Variants in JAZF1 observed in about 807,000 individuals in gnomAD.
JAZF1 encodes JAZF zinc finger 1, also known as juxtaposed with another zinc finger protein 1.
In JAZF1, 8 loss-of-function variants were observed where a neutral mutation model predicts 26.4. The ratio of observed to expected loss-of-function variants is 0.30; its 90% CI spans 0.18 to 0.55. The LOEUF (loss-of-function observed/expected upper bound fraction) is 0.55. JAZF1 is among the 20% of genes least tolerant of loss of function. JAZF1 has a pLI of 0.94. For missense variants in JAZF1, 199 were observed against 322.0 expected (o/e 0.62, Z 2.92); for synonymous variants, 126 against 122.3 (o/e 1.03, Z -0.20).
At chr7:28,059,752 C>T (rs1352351321) in intron 1 of JAZF1, among the ~76,000 whole-genome samples, 2 of 152,158 alleles carry the variant, frequency 1.3e-5, no homozygotes, top group Admixed American at 6.5e-5. Context: ...CAAACAATTA[C>T]AGGCTAATTT....
intron 1 of JAZF1, among the ~76,000 whole-genome samples, chr7:28,156,449 G>C (rs1783187217): frequency 6.6e-6 from 1 of 152,252 alleles, no homozygotes; most frequent in South Asian, 2.1e-4. Flanking sequence ...CTGAGTACAA[G>C]AGACTATTGA....
chr7:28,058,933 C>CT (rs2128382057), intron 1 of JAZF1, among the ~76,000 whole-genome samples: 1 of 152,220 alleles, frequency 6.6e-6, no homozygotes, highest in African/African-American at 2.4e-5. Flanking sequence ...AAGCGTAACA[C>CT]TAACTGTGTT....
intron 1 of JAZF1, among the ~76,000 whole-genome samples, chr7:28,002,029 G>A (rs948300558): frequency 2.6e-5 from 4 of 152,142 alleles, no homozygotes; most frequent in African/African-American, 9.7e-5. Context: ...ACTCAAAGGG[G>A]AGATAAAAGA....
chr7:28,001,822 C>T lies in JAZF1; in HGVS notation c.116-9841G>A, dbSNP rs1014629958. ...GGTGGCAGGGAGGACTGGGCGGGGGCGGGAAACTGGGATGTAGAAATATAA... is the reference window on the plus strand; with the variant it reads ...GGTGGCAGGGAGGACTGGGCGGGGGTGGGAAACTGGGATGTAGAAATATAA... On this transcript the variant is annotated intron_variant, in intron 1 of 4. Coordinates refer to ENST00000283928, the MANE Select transcript of JAZF1 (RefSeq NM_175061.4). Among the ~76,000 whole-genome samples, 7 of 145,670 alleles carry T rather than the reference C, an allele frequency of 4.8e-5. No homozygotes were observed. In the South Asian group the frequency reaches 6.5e-4, roughly 14 times the overall value.
chr7:28,049,577 CA>C, intron 1 of JAZF1, among the ~76,000 whole-genome samples: 2 of 152,132 alleles, frequency 1.3e-5, no homozygotes, highest in East Asian at 3.9e-4. Flanking sequence ...CTCAGTCCTG[CA>C]AGAATGTCCC....
intron 1 of JAZF1, among the ~76,000 whole-genome samples, chr7:28,033,722 A>C (rs1346357436): frequency 6.6e-6 from 1 of 152,076 alleles, no homozygotes; most frequent in African/African-American, 2.4e-5. Context: ...TAAACTTGTA[A>C]TTGTGGTACT....
intron 1 of JAZF1, among the ~76,000 whole-genome samples, chr7:28,062,223 T>C (rs2128382879): frequency 6.6e-6 from 1 of 152,314 alleles, no homozygotes; most frequent in Non-Finnish European, 1.5e-5. Context: ...GATAATGGAC[T>C]GGACTCGAAG....
chr7:28,180,429 G>A (rs758974506), intron 1 of JAZF1, 34 bp downstream of exon 1: 16 of 1,546,234 alleles, frequency 1.0e-5, no homozygotes, highest in Admixed American at 1.7e-5. Flanking sequence ...GTTTCCGCGC[G>A]CCTGGCACCC....
intron 1 of JAZF1, among the ~76,000 whole-genome samples, chr7:28,016,123 G>T (rs973679216): frequency 5.9e-5 from 9 of 152,182 alleles, no homozygotes; most frequent in African/African-American, 2.2e-4. Flanking sequence ...GACCAAGCCA[G>T]TTGGCCATTT....
At chr7:28,145,067 C>T (rs567557212) in intron 1 of JAZF1, among the ~76,000 whole-genome samples, 1 of 152,282 alleles carries the variant, frequency 6.6e-6, no homozygotes, top group South Asian at 2.1e-4. Flanking sequence ...TGACAGAGGT[C>T]ATAGTGAGTT....
chr7:28,013,082 G>A lies in JAZF1; in HGVS notation c.116-21101C>T, dbSNP rs958764316. On this transcript the variant is annotated intron_variant, in intron 1 of 4. Coordinates refer to ENST00000283928, the MANE Select transcript of JAZF1 (RefSeq NM_175061.4). Reference sequence around the variant, plus strand: ...TTCTCAGCCTGGGTAGGTTTATCAAGTAGCGGCTCCTTGCTATAGCCCCAG... The same window carrying A: ...TTCTCAGCCTGGGTAGGTTTATCAAATAGCGGCTCCTTGCTATAGCCCCAG... Among the ~76,000 whole-genome samples, 7 of 152,230 alleles carry A rather than the reference G, an allele frequency of 4.6e-5. No homozygotes were observed. In the East Asian group the frequency reaches 9.7e-4, roughly 21 times the overall value.
At chr7:27,947,863 G>A (rs150267611) in intron 2 of JAZF1, among the ~76,000 whole-genome samples, 66 of 152,178 alleles carry the variant, frequency 4.3e-4, no homozygotes, top group Non-Finnish European at 9.0e-4. Flanking sequence ...GGCTGGAGAC[G>A]GACACTCTGA....
At chr7:27,936,935 T>C (rs1367103330) in intron 2 of JAZF1, among the ~76,000 whole-genome samples, 1 of 152,242 alleles carries the variant, frequency 6.6e-6, no homozygotes, top group East Asian at 1.9e-4. Flanking sequence ...TTGCTGACTC[T>C]AAGTTTAAGT....
chr7:28,069,710 T>C (rs2127909494), intron 1 of JAZF1, among the ~76,000 whole-genome samples: 1 of 152,280 alleles, frequency 6.6e-6, no homozygotes, highest in African/African-American at 2.4e-5. Flanking sequence ...CAGGCAATCA[T>C]GTGCAGAGGC....
At chr7:27,976,141 G>T (rs913819725) in intron 2 of JAZF1, among the ~76,000 whole-genome samples, 1 of 151,982 alleles carries the variant, frequency 6.6e-6, no homozygotes, top group Non-Finnish European at 1.5e-5. Context: ...TCAAGAGATC[G>T]AGACCATCCT....
intron 1 of JAZF1, among the ~76,000 whole-genome samples, chr7:28,141,584 T>C (rs1258301434): frequency 6.6e-6 from 1 of 152,210 alleles, no homozygotes; most frequent in African/African-American, 2.4e-5. Flanking sequence ...GAAGCCTTCA[T>C]TAGTATCAGG....
chr7:28,008,590 G>T (rs1233136678), intron 1 of JAZF1, among the ~76,000 whole-genome samples: 1 of 152,130 alleles, frequency 6.6e-6, no homozygotes, highest in African/African-American at 2.4e-5. Context: ...AGTCTCTCTG[G>T]CAAATAATCT....
At chr7:27,959,639 C>T (rs1040306969) in intron 2 of JAZF1, among the ~76,000 whole-genome samples, 3 of 152,178 alleles carry the variant, frequency 2.0e-5, no homozygotes, top group African/African-American at 7.2e-5. Flanking sequence ...GTGGCTCATG[C>T]CTGTAATCCC....
At chr7:28,007,120 T>G (rs1326885171) in intron 1 of JAZF1, among the ~76,000 whole-genome samples, 1 of 152,180 alleles carries the variant, frequency 6.6e-6, no homozygotes, top group Non-Finnish European at 1.5e-5. Flanking sequence ...GGTAAAAGTA[T>G]GCTATTCCTG....
Sources: allele counts gnomAD v4.1 joint callset (sites outside exome capture counted in the v4.1 genomes callset), GRCh38; gene constraint gnomAD v4.1.1; transcripts MANE v1.5; gene names NCBI Gene and HGNC (gene_info 2026-07-23, HGNC 2026-07-21).